The following POLR1B variants were observed in gnomAD, a reference collection of about 807,000 sequenced individuals.
POLR1B encodes the protein RNA polymerase I subunit B.
In POLR1B, 30 loss-of-function variants were observed where a neutral mutation model predicts 105.8. That is an observed-to-expected ratio of 0.28 (90% CI 0.21 to 0.38). POLR1B has a LOEUF of 0.38. Ranked by LOEUF, POLR1B falls within the 10% of genes least tolerant of loss-of-function variation. The pLI is 1.00. For missense variants in POLR1B, 976 were observed against 1,435.8 expected (o/e 0.68, Z 5.17); for synonymous variants, 485 against 505.1 (o/e 0.96, Z 0.53).
intron 9 of POLR1B, among the ~76,000 whole-genome samples, chr2:112,559,778 C>G (rs1683871832): frequency 6.6e-6 from 1 of 152,026 alleles, no homozygotes; most frequent in South Asian, 2.1e-4. Flanking sequence ...CTACAGGCGC[C>G]CGCCACCACA....
chr2:112,559,402 G>A lies in POLR1B; in HGVS notation c.1440G>A (p.Lys480=). The change falls in exon 9 of 15, where the codon AAG becomes AAA. Residue 480 remains lysine (K), a synonymous_variant. Transcript: ENST00000263331. The part of the protein sequence containing the change: ...RCVHRGADFA[K]MRTTTVRRLL... ...TGCACAGAGGGGCTGATTTTGCCAAGATGAGGACCACCACAGTACGCAGGC... is the reference window on the plus strand; with the variant it reads ...TGCACAGAGGGGCTGATTTTGCCAAAATGAGGACCACCACAGTACGCAGGC... 6.2e-7 allele frequency: 1 copy of A among 1,614,236 alleles called. No homozygotes were observed. The highest frequency in any genetic ancestry group is 2.2e-5 in the East Asian group (1 of 44,884).
Position 112,559,352 on chromosome 2 carries a change from C to T in POLR1B, c.1390C>T (p.Arg464Cys), listed in dbSNP as rs2104541749. ...CVVADKLNFI[R>C]YLSHFRCVHR... ...TGTGGCTGACAAGCTGAACTTCATA[C>T]GCTACCTCTCCCATTTCCGCTGCGT... Residue 464 changes from arginine to cysteine, a missense_variant, in exon 9 of 15, where the codon CGC (arginine) becomes TGC (cysteine). By Grantham distance (180) the Arg-to-Cys change is radical. Coordinates refer to ENST00000263331, the MANE Select transcript of POLR1B (RefSeq NM_019014.6). 2.5e-6 allele frequency: 4 copies of T among 1,614,184 alleles called. No individual in the cohort carries two copies. The highest frequency in any genetic ancestry group is 1.1e-5 in the South Asian group (1 of 91,086).
chr2:112,573,745 C>T lies in POLR1B; in HGVS notation c.2455C>T (p.Leu819=). The T allele has an allele frequency of 6.2e-7, 1 of 1,614,238 alleles. No homozygotes were observed. The highest frequency in any genetic ancestry group is 8.5e-7 in the Non-Finnish European group (1 of 1,180,044). ...TGGATTGCCGTTTATAGGAGCAAAA[C>T]TGCAGTACGGAGATCCGTATTACAG... ...DDGLPFIGAK[L]QYGDPYYSYL... is the part of the protein sequence containing the mutation. Residue 819 remains leucine (L), a synonymous_variant, in exon 14 of 15, where the codon CTG becomes TTG. Transcript: ENST00000263331.
At chr2:112,571,361 A>T (rs929587500) in intron 12 of POLR1B, among the ~76,000 whole-genome samples, 5 of 151,940 alleles carry the variant, frequency 3.3e-5, no homozygotes, top group African/African-American at 4.8e-5. Context: ...TCTGAAGAGG[A>T]TTGGTTTTGT....
At chr2:112,544,727 A>G (rs1682943184) in intron 1 of POLR1B, among the ~76,000 whole-genome samples, 1 of 152,238 alleles carries the variant, frequency 6.6e-6, no homozygotes, top group South Asian at 2.1e-4. Flanking sequence ...AGTAACATAA[A>G]TAACTAATAC....
At chr2:112,542,710 G>A (rs982337537) in intron 1 of POLR1B, 39 bp downstream of exon 1, 1 of 1,605,202 alleles carries the variant, frequency 6.2e-7, no homozygotes, top group African/African-American at 1.3e-5. Flanking sequence ...CCGCGGCGAG[G>A]CCAATCCCAG....
At chr2:112,573,837 G>GTTTTGT (rs575267591) in intron 14 of POLR1B, 22 bp downstream of exon 14, 251 of 1,605,742 alleles carry the variant, frequency 1.6e-4, no homozygotes, top group African/African-American at 1.1e-3. Context: ...TATCCAAGCT[G>GTTTTGT]TTTTGTTTTT....
In POLR1B at chr2:112,558,138, T is replaced by C. The variant is rs1011397810; in HGVS notation, c.1330+57T>C. The C allele has an allele frequency of 2.4e-6, 3 of 1,254,232 alleles. No individual in the cohort carries two copies. The Admixed American group carries it at 9.5e-5, about 40-fold the overall frequency. The allele number at this position is 1,254,232 out of a possible 1,614,324, so 77.7% of individuals were successfully genotyped here. A position where few individuals can be genotyped will look rare whatever the true frequency, so the allele number is the denominator to read the frequency against. ...TTTCAAATTAGTTGCTTAGTGTAGA[T>C]TTGCCTGTCCCTGAGAGTTCTTTTT... On this transcript the variant is annotated intron_variant, in intron 8 of 14. Transcript: ENST00000263331.
intron 5 of POLR1B, among the ~76,000 whole-genome samples, 180 bp downstream of exon 5, chr2:112,551,182 T>A (rs1643509635): frequency 6.6e-6 from 1 of 152,264 alleles, no homozygotes; most frequent in Non-Finnish European, 1.5e-5. Flanking sequence ...TCACAGTTTC[T>A]GCGGGTCGGG....
intron 1 of POLR1B, chr2:112,545,840 C>T: frequency 1.1e-5 from 4 of 366,544 alleles, no homozygotes; most frequent in South Asian, 2.1e-5. Context: ...GAGACGGGGT[C>T]TCCCTATGTG....
At chr2:112,572,955 C>T (rs968365006) in intron 13 of POLR1B, among the ~76,000 whole-genome samples, 197 bp downstream of exon 13, 2 of 152,172 alleles carry the variant, frequency 1.3e-5, no homozygotes, top group Admixed American at 6.5e-5. Context: ...TTCAGATACA[C>T]GTATGTCTTG....
intron 4 of POLR1B, among the ~76,000 whole-genome samples, chr2:112,550,445 CT>C (rs1558654768): frequency 6.6e-6 from 1 of 152,224 alleles, no homozygotes; most frequent in African/African-American, 2.4e-5. Context: ...TAGTGATTTT[CT>C]TTTGCATCAG....
Position 112,575,231 on chromosome 2 carries a change from C to G in POLR1B, c.2910C>G (p.Gly970=). The G allele has an allele frequency of 1.2e-6, 2 of 1,614,142 alleles. No individual in the cohort carries two copies. Among genetic ancestry groups the G allele is most frequent in the Non-Finnish European group, 1.7e-6 (2 of 1,180,032 alleles). The change falls in exon 15 of 15, where the codon GGC becomes GGG. Residue 970 remains glycine (G), a synonymous_variant. Transcript: ENST00000263331. This position sits in a 1 kb window ranked among gnomAD's most constrained non-coding sequence, Gnocchi z 5.3. ...EYFGEMLKAA[G]YNFYGTERLY... ...TTGGTGAGATGTTAAAGGCTGCTGG[C>G]TACAATTTCTATGGCACCGAGAGGT...
Position 112,547,174 on chromosome 2 carries a change from T to A in POLR1B, c.340T>A (p.Leu114Met), listed in dbSNP as rs767377231. ...CCGAAGGAGTACCTACCGTGGGAAG[T>A]TGACAGTGAGTACTAGTGATACTGT... is the stretch of plus-strand genomic sequence containing the variant. ...RGRRSTYRGK[L>M]TADINWAVNG... The change falls in exon 2 of 15, where the codon TTG (leucine) becomes ATG (methionine). Residue 114 changes from leucine (L) to methionine (M), a missense_variant. This residue lies in a region of POLR1B where 452 missense variants were observed against 616.5 expected (regional missense o/e 0.73). Transcript: ENST00000263331. The A allele has an allele frequency of 6.2e-7, 1 of 1,614,150 alleles. No individual in the cohort carries two copies. Among genetic ancestry groups the A allele is most frequent in the South Asian group, 1.1e-5 (1 of 91,076 alleles).
intron 9 of POLR1B, among the ~76,000 whole-genome samples, chr2:112,562,682 G>A (rs1445228975): frequency 1.6e-4 from 24 of 151,690 alleles, no homozygotes; most frequent in Admixed American, 1.3e-3. Flanking sequence ...TGATCTGGGC[G>A]GTGGTTGCTG....
At chr2:112,546,784 C>T (rs1024991946) in intron 1 of POLR1B, 16 of 345,910 alleles carry the variant, frequency 4.6e-5, no homozygotes, top group East Asian at 3.1e-4. Context: ...AGGATGGTCT[C>T]GATCTCCTGA....
intron 1 of POLR1B, chr2:112,545,728 CT>C: frequency 4.5e-6 from 1 of 223,282 alleles, no homozygotes; most frequent in Non-Finnish European, 9.3e-6. Flanking sequence ...CAGCCTCGAC[CT>C]TCCAGGATCA....
rs1442523298 is a variant in POLR1B at position 112,575,812 on chromosome 2, G to C, written c.*83G>C. 1 of 1,436,840 alleles carries C rather than the reference G, an allele frequency of 7.0e-7. No individual in the cohort carries two copies. Among genetic ancestry groups the C allele is most frequent in the Non-Finnish European group, 9.4e-7 (1 of 1,066,930 alleles). The allele number at this position is 1,436,840 out of a possible 1,614,324, so 89.0% of individuals were successfully genotyped here. ...AATTCAATGAAGATATCATTACCAG[G>C]TTACTCTTGAGATTTTTCAACGGTG... is the stretch of plus-strand genomic sequence containing the variant. On this transcript the variant is annotated 3_prime_UTR_variant, in exon 15 of 15. Coordinates refer to ENST00000263331, the MANE Select transcript of POLR1B (RefSeq NM_019014.6). This position sits in a 1 kb window ranked among gnomAD's most constrained non-coding sequence, Gnocchi z 5.3.
rs1684953020 is a variant in POLR1B, at chr2:112,578,264, TAAGC to T, written c.*2539_*2542del. 6.6e-6 allele frequency among the ~76,000 whole-genome samples: 1 copy of T among 151,666 alleles called. No homozygotes were observed. Among genetic ancestry groups the T allele is most frequent in the South Asian group, 2.1e-4 (1 of 4,812 alleles). The stretch of plus-strand genomic sequence containing the variant: ...GTGTAGATGGATGAAAACAGCAACA[TAAGC>T]AAGATACAGAGCTGTTCCGTCATCA... On this transcript the variant is annotated 3_prime_UTR_variant, in exon 15 of 15. Transcript: ENST00000263331.
Sources: gnomAD v4.1 joint callset for allele counts (sites outside exome capture counted in the v4.1 genomes callset) on GRCh38, gnomAD v4.1.1 for gene constraint, gnomAD v4.1.1 regional missense constraint, Gnocchi (gnomAD v3.1) non-coding constraint, MANE v1.5 for transcripts, NCBI Gene and HGNC (gene_info 2026-07-23, HGNC 2026-07-21) for gene names.